The following CPAMD8 variants were observed in gnomAD, a reference collection of about 807,000 sequenced individuals.
The protein encoded by CPAMD8 is C3 and PZP like alpha-2-macroglobulin domain containing 8, also known as C3 and PZP-like alpha-2-macroglobulin domain-containing protein 8.
A neutral mutation model predicts 224.7 loss-of-function variants in CPAMD8; 146 were observed. The observed-to-expected ratio is 0.65, with a 90% CI of 0.57 to 0.75. CPAMD8 has a LOEUF of 0.75. CPAMD8 is among the 30% of genes least tolerant of loss of function. The pLI is 0.00. For missense variants in CPAMD8, 2,301 were observed against 2,537.5 expected (o/e 0.91, Z 2.00); for synonymous variants, 966 against 1,044.6 (o/e 0.92, Z 1.45).
intron 22 of CPAMD8, among the ~76,000 whole-genome samples, chr19:16,941,846 G>A (rs2053903478): frequency 6.6e-6 from 1 of 152,118 alleles, no homozygotes. Context: ...GGTGGCAGGT[G>A]CCTGCAATCC....
chr19:16,979,531 T>C (rs577822076), intron 14 of CPAMD8, among the ~76,000 whole-genome samples: 13 of 123,490 alleles, frequency 1.1e-4, no homozygotes, highest in African/African-American at 3.1e-4. Context: ...TCCATCCATC[T>C]CTCTGTCCAT....
intron 9 of CPAMD8, among the ~76,000 whole-genome samples, chr19:17,000,946 CA>C (rs1326566090): frequency 1.3e-5 from 2 of 152,176 alleles, no homozygotes; most frequent in African/African-American, 4.8e-5. Flanking sequence ...ACTACCCTCT[CA>C]GGGGTGATAG....
At chr19:17,002,177 G>A (rs2056346572) in intron 9 of CPAMD8, 89 bp downstream of exon 9, 1 of 852,570 alleles carries the variant, frequency 1.2e-6, no homozygotes, top group Non-Finnish European at 1.9e-6. Flanking sequence ...GGAGGCAGCA[G>A]AGGAGGGGAA....
chr19:16,984,810 G>C (rs2055654059), intron 13 of CPAMD8, among the ~76,000 whole-genome samples: 1 of 152,162 alleles, frequency 6.6e-6, no homozygotes, highest in African/African-American at 2.4e-5. Flanking sequence ...AGGAGTTCAA[G>C]ACCAGCCTGG....
chr19:16,977,844 G>A (rs925726461), intron 14 of CPAMD8, among the ~76,000 whole-genome samples: 1 of 152,008 alleles, frequency 6.6e-6, no homozygotes, highest in African/African-American at 2.4e-5. Flanking sequence ...CTTCCTCCGC[G>A]GACACCAAAA....
At chr19:16,975,619 G>A (rs557701306) in intron 16 of CPAMD8, among the ~76,000 whole-genome samples, 1 of 152,158 alleles carries the variant, frequency 6.6e-6, no homozygotes, top group East Asian at 1.9e-4. Flanking sequence ...GAGGTGGGAG[G>A]ATCGTTTAAG....
chr19:16,989,089 A>T (rs943024882), intron 13 of CPAMD8, among the ~76,000 whole-genome samples: 6 of 152,210 alleles, frequency 3.9e-5, no homozygotes, highest in Non-Finnish European at 8.8e-5. Context: ...CACTGATTCT[A>T]CATGATGGTG....
At chr19:16,956,130 C>G (rs138087301) in intron 19 of CPAMD8, among the ~76,000 whole-genome samples, 1 of 152,068 alleles carries the variant, frequency 6.6e-6, no homozygotes, top group Non-Finnish European at 1.5e-5. Flanking sequence ...ATCCCAAATC[C>G]CTGGCTCTCC....
intron 25 of CPAMD8, 65 bp downstream of exon 25, chr19:16,927,944 C>A: frequency 2.5e-6 from 3 of 1,186,172 alleles, no homozygotes; most frequent in Non-Finnish European, 3.8e-6. Flanking sequence ...TGAGACTAAG[C>A]CTGGAGTCTC....
intron 9 of CPAMD8, 32 bp downstream of exon 9, chr19:17,002,234 C>T (rs775622109): frequency 2.1e-6 from 3 of 1,438,252 alleles, no homozygotes; most frequent in Non-Finnish European, 1.9e-6. Flanking sequence ...GAAGGGCCCC[C>T]CCAGTGTGCC....
chr19:16,997,363 G>T, intron 10 of CPAMD8, 25 bp from the exon 11 acceptor site: 1 of 1,366,932 alleles, frequency 7.3e-7, no homozygotes, highest in Non-Finnish European at 1.0e-6. Flanking sequence ...AACACAGCCC[G>T]TGCTCACTCA....
At chr19:16,922,030 G>A (rs1335060435) in intron 26 of CPAMD8, 44 bp from the exon 27 acceptor site, 2 of 1,358,638 alleles carry the variant, frequency 1.5e-6, no homozygotes, top group South Asian at 2.5e-5. Flanking sequence ...GAGTGGCCTG[G>A]CCCAGGCCCG....
At chr19:17,018,719 CA>C (rs2056875663) in intron 3 of CPAMD8, among the ~76,000 whole-genome samples, 2 of 37,358 alleles carry the variant, frequency 5.4e-5, no homozygotes, top group Non-Finnish European at 9.1e-5. Flanking sequence ...ACTAAAAATA[CA>C]CACACACACA....
intron 3 of CPAMD8, among the ~76,000 whole-genome samples, 166 bp downstream of exon 3, chr19:17,020,165 G>A (rs10402701): frequency 1.3e-5 from 2 of 150,996 alleles, no homozygotes; most frequent in East Asian, 2.0e-4. Context: ...GTAGAGATGC[G>A]GTTTCACCAT....
chr19:17,003,104 T>G (rs1320436529), intron 8 of CPAMD8, among the ~76,000 whole-genome samples: 3 of 151,922 alleles, frequency 2.0e-5, no homozygotes, highest in Non-Finnish European at 2.9e-5. Context: ...GGTTTCACCA[T>G]GTTGGCCAGC....
intron 27 of CPAMD8, among the ~76,000 whole-genome samples, chr19:16,916,281 T>C (rs541122891): frequency 2.1e-3 from 313 of 151,982 alleles, no homozygotes; most frequent in African/African-American, 7.1e-3. Flanking sequence ...CCCAAAGTGG[T>C]GGGATTATAG....
At chr19:16,999,583 TC>T (rs1555787661) in intron 10 of CPAMD8, among the ~76,000 whole-genome samples, 1 of 96,096 alleles carries the variant, frequency 1.0e-5, no homozygotes. Flanking sequence ...AGACTCCATC[TC>T]CAAAAAAAAA....
At chr19:16,992,922 C>G (rs536083541) in intron 12 of CPAMD8, among the ~76,000 whole-genome samples, 2 of 151,426 alleles carry the variant, frequency 1.3e-5, no homozygotes, top group South Asian at 4.2e-4. Context: ...CAGAGCGAGA[C>G]CCTGTCTCTT....
intron 22 of CPAMD8, among the ~76,000 whole-genome samples, chr19:16,941,886 T>A (rs961845686): frequency 2.0e-5 from 3 of 152,146 alleles, no homozygotes; most frequent in African/African-American, 7.2e-5. Context: ...GGCAGGAGAC[T>A]CGCTTGAACA....
Sources: gnomAD v4.1 joint callset for allele counts (sites outside exome capture counted in the v4.1 genomes callset) on GRCh38, gnomAD v4.1.1 for gene constraint, MANE v1.5 for transcripts, NCBI Gene and HGNC (gene_info 2026-07-23, HGNC 2026-07-21) for gene names.